FKBP5: variants seen among roughly 807,000 people sequenced by gnomAD.
The protein encoded by FKBP5 is FKBP prolyl isomerase 5.
A neutral mutation model predicts 50.5 loss-of-function variants in FKBP5; 23 were observed. The observed-to-expected ratio is 0.46, with a 90% CI of 0.33 to 0.65. The LOEUF (loss-of-function observed/expected upper bound fraction) is 0.65, where lower values mean the gene tolerates loss of function less well. FKBP5 is among the 30% of genes least tolerant of loss of function. The probability of loss-of-function intolerance (pLI) is 0.02; values close to 1 mark genes in which losing one functional copy is unlikely to be tolerated. For synonymous variants in FKBP5, 176 were observed against 190.6 expected (o/e 0.92, Z 0.63); for missense variants, 411 against 553.1 (o/e 0.74, Z 2.58).
At chr6:35,606,633 C>T (rs1303293035) in intron 5 of FKBP5, among the ~76,000 whole-genome samples, 5 of 123,024 alleles carry the variant, frequency 4.1e-5, no homozygotes, top group Admixed American at 3.9e-4. Context: ...GCACTCCAGC[C>T]TGGGCAACAG....
At chr6:35,583,177 G>A (rs998286239) in intron 8 of FKBP5, 12 of 985,280 alleles carry the variant, frequency 1.2e-5, no homozygotes, top group African/African-American at 7.0e-5. Context: ...TCACTGAGAT[G>A]AGATAGGAAG....
At chr6:35,687,153 C>T (rs1419005795) in intron 1 of FKBP5, among the ~76,000 whole-genome samples, 1 of 152,076 alleles carries the variant, frequency 6.6e-6, no homozygotes, top group South Asian at 2.1e-4. Flanking sequence ...ACTTAATCTC[C>T]GAAGTATAAA....
At chr6:35,608,631 GA>G (rs1360103418) in intron 5 of FKBP5, among the ~76,000 whole-genome samples, 2 of 152,118 alleles carry the variant, frequency 1.3e-5, no homozygotes, top group African/African-American at 4.8e-5. Flanking sequence ...AGGCTGCAGT[GA>G]GCCACAACTG....
intron 1 of FKBP5, among the ~76,000 whole-genome samples, chr6:35,672,793 A>G (rs2151005645): frequency 1.3e-5 from 2 of 151,948 alleles, no homozygotes; most frequent in South Asian, 4.2e-4. Context: ...TAGCTGGCGT[A>G]GTGGCAGGCG....
At chr6:35,692,536 T>C (rs1404908253), upstream of FKBP5, among the ~76,000 whole-genome samples, 1 of 152,146 alleles carries the variant, frequency 6.6e-6, no homozygotes, top group South Asian at 2.1e-4. Context: ...TGGTGGTTCA[T>C]GCCTATAATC....
chr6:35,596,933 G>C (rs1321771279), intron 6 of FKBP5, among the ~76,000 whole-genome samples: 2 of 152,100 alleles, frequency 1.3e-5, no homozygotes, highest in Admixed American at 6.6e-5. Flanking sequence ...AAGGGAAGAG[G>C]GGGTAAGAGA....
chr6:35,721,844 T>G (rs529971176), intron 1 of FKBP5, among the ~76,000 whole-genome samples: 12 of 152,236 alleles, frequency 7.9e-5, no homozygotes, highest in Non-Finnish European at 1.3e-4. Flanking sequence ...AGTTTCCATC[T>G]CTACAAAATG....
At chr6:35,722,348 C>T (rs928914378) in intron 1 of FKBP5, among the ~76,000 whole-genome samples, 5 of 152,154 alleles carry the variant, frequency 3.3e-5, no homozygotes, top group Admixed American at 3.3e-4. Flanking sequence ...TTGGAAATAG[C>T]ATTATATTTA....
chr6:35,646,750 C>T (rs369339852), intron 1 of FKBP5, among the ~76,000 whole-genome samples: 28 of 152,134 alleles, frequency 1.8e-4, no homozygotes, highest in African/African-American at 3.1e-4. Context: ...TGTCCAAAGG[C>T]GGAAAATTGC....
At chr6:35,627,394 A>T (rs184152438) in intron 3 of FKBP5, among the ~76,000 whole-genome samples, 36 of 152,220 alleles carry the variant, frequency 2.4e-4, no homozygotes, top group Admixed American at 5.2e-4. Context: ...CCTCCCACCT[A>T]GGTCTCCCAA....
chr6:35,676,222 CAT>C (rs1765518643), intron 1 of FKBP5, among the ~76,000 whole-genome samples: 1 of 152,178 alleles, frequency 6.6e-6, no homozygotes, highest in African/African-American at 2.4e-5. Flanking sequence ...AGTGGAGAAA[CAT>C]AAATAAATCT....
chr6:35,586,286 G>A (rs1762595823), intron 8 of FKBP5: 1 of 985,018 alleles, frequency 1.0e-6, no homozygotes, highest in South Asian at 4.7e-5. Context: ...GCTCCAAGAA[G>A]GGTTTCTGAG....
intron 2 of FKBP5, among the ~76,000 whole-genome samples, chr6:35,698,626 G>C (rs1766126086): frequency 6.6e-6 from 1 of 152,100 alleles, no homozygotes; most frequent in South Asian, 2.1e-4. Flanking sequence ...CAGCCTGAGA[G>C]AGTAAGACTC....
intron 2 of FKBP5, among the ~76,000 whole-genome samples, chr6:35,713,048 G>T (rs1203088403): frequency 8.5e-6 from 1 of 118,022 alleles, no homozygotes; most frequent in Non-Finnish European, 1.6e-5. Flanking sequence ...CTGCACTCCA[G>T]CCCAGGCGAC....
At chr6:35,579,948 C>A in intron 9 of FKBP5, 88 bp downstream of exon 9, 1 of 1,016,028 alleles carries the variant, frequency 9.8e-7, no homozygotes, top group East Asian at 2.5e-5. Context: ...AAAAATCCTG[C>A]AACCTTTGGC....
intron 7 of FKBP5, among the ~76,000 whole-genome samples, chr6:35,589,205 G>A (rs182647177): frequency 1.8e-4 from 27 of 147,392 alleles, no homozygotes; most frequent in Non-Finnish European, 3.7e-4. Context: ...CTCGGCTCAC[G>A]GCAACCTCCA....
At chr6:35,687,100 T>A (rs982460405) in intron 1 of FKBP5, among the ~76,000 whole-genome samples, 1 of 152,192 alleles carries the variant, frequency 6.6e-6, no homozygotes, top group Non-Finnish European at 1.5e-5. Flanking sequence ...AATAATAAAC[T>A]AGCATAATTA....
At chr6:35,696,043 G>A (rs1049908912) in intron 2 of FKBP5, among the ~76,000 whole-genome samples, 7 of 151,544 alleles carry the variant, frequency 4.6e-5, no homozygotes, top group Non-Finnish European at 7.4e-5. Flanking sequence ...TACTAGGGAG[G>A]CTGAGGCAGG....
intron 5 of FKBP5, among the ~76,000 whole-genome samples, chr6:35,610,620 G>C (rs912156531): frequency 6.9e-6 from 1 of 145,088 alleles, no homozygotes; most frequent in African/African-American, 2.5e-5. Context: ...ATTTTCCCTA[G>C]TCGAAGTCCT....
Sources: allele counts gnomAD v4.1 joint callset (sites outside exome capture counted in the v4.1 genomes callset), GRCh38; gene constraint gnomAD v4.1.1; transcripts MANE v1.5; gene names NCBI Gene and HGNC (gene_info 2026-07-23, HGNC 2026-07-21).